The following RAI14 variants were observed in gnomAD, a reference collection of about 807,000 sequenced individuals.
RAI14 encodes the protein retinoic acid induced 14.
In RAI14, 45 loss-of-function variants were observed where a neutral mutation model predicts 115.4. The ratio of observed to expected loss-of-function variants is 0.39; its 90% confidence interval spans 0.31 to 0.50. The LOEUF is 0.50. RAI14 is among the 20% of genes least tolerant of loss of function. The pLI is 0.85. For missense variants in RAI14, 939 were observed against 1,131.2 expected (o/e 0.83, Z 2.44); for synonymous variants, 371 against 415.4 (o/e 0.89, Z 1.30).
At chr5:34,765,312 A>G (rs1249158600) in intron 3 of RAI14, among the ~76,000 whole-genome samples, 1 of 152,236 alleles carries the variant, frequency 6.6e-6, no homozygotes, top group Non-Finnish European at 1.5e-5. Context: ...AGGACTCAGA[A>G]GAAGACAGGA....
In RAI14 at chr5:34,830,816, A is replaced by T; in HGVS notation, c.*51A>T. ...CCCTTGTCATCTGTCTTTGTGTTAGATCCAGAGTTGTCGGCAGCCGCTGCC... is the reference window on the plus strand; with the variant it reads ...CCCTTGTCATCTGTCTTTGTGTTAGTTCCAGAGTTGTCGGCAGCCGCTGCC... On this transcript the variant is annotated 3_prime_UTR_variant, in exon 18 of 18. Coordinates refer to ENST00000265109, the MANE Select transcript of RAI14 (RefSeq NM_015577.3). The T allele has an allele frequency of 6.2e-7, 1 of 1,610,908 alleles. No homozygotes were observed. The highest frequency in any genetic ancestry group is 8.5e-7 in the Non-Finnish European group (1 of 1,178,316).
At chr5:34,747,470 C>T (rs2150064082) in intron 2 of RAI14, among the ~76,000 whole-genome samples, 1 of 152,084 alleles carries the variant, frequency 6.6e-6, no homozygotes. Flanking sequence ...CCTCAAGGAA[C>T]AATATTCCTG....
At chr5:34,796,105 A>C (rs1291451697) in intron 4 of RAI14, 78 bp downstream of exon 4, 2 of 1,200,536 alleles carry the variant, frequency 1.7e-6, no homozygotes, top group East Asian at 4.8e-5. Context: ...TTCATTATGG[A>C]AAATTTAAGG....
At chr5:34,773,622 A>G (rs1750465580) in intron 3 of RAI14, among the ~76,000 whole-genome samples, 1 of 152,222 alleles carries the variant, frequency 6.6e-6, no homozygotes, top group Admixed American at 6.5e-5. Context: ...TCAAAAAAAG[A>G]CATACAAATG....
intron 4 of RAI14, among the ~76,000 whole-genome samples, chr5:34,803,153 A>G (rs1472149870): frequency 6.6e-6 from 1 of 152,172 alleles, no homozygotes; most frequent in Admixed American, 6.5e-5. Context: ...TCTAGCCTGG[A>G]GCTGCTTTTC....
At chr5:34,666,013 G>A (rs1048849847) in intron 1 of RAI14, among the ~76,000 whole-genome samples, 2 of 152,140 alleles carry the variant, frequency 1.3e-5, no homozygotes, top group Non-Finnish European at 2.9e-5. Context: ...ATGAAAAGGT[G>A]GTTTTGTAAT....
rs73074506 is a variant in RAI14, at chr5:34,747,249, A to T, written c.37-10219A>T. Among the ~76,000 whole-genome samples the T allele has an allele frequency of 7.5e-3, 1,137 of 152,322 alleles. 18 individuals carry two copies. Among genetic ancestry groups the T allele is most frequent in the African/African-American group, 0.026 (1,098 of 41,560 alleles). The stretch of plus-strand genomic sequence containing the variant: ...TTCTTTGTTATTTTCCTTATCTGTA[A>T]AGGGCTAATAATAGTACCTACCTCA... On this transcript the variant is annotated intron_variant, in intron 2 of 17. Transcript: ENST00000265109.
chr5:34,785,193 G>A (rs1214123451), intron 3 of RAI14, among the ~76,000 whole-genome samples: 2 of 152,020 alleles, frequency 1.3e-5, no homozygotes, highest in Non-Finnish European at 1.5e-5. Flanking sequence ...ATCAAAATTG[G>A]CTTATCTTTT....
intron 2 of RAI14, among the ~76,000 whole-genome samples, chr5:34,718,047 A>G (rs1053674820): frequency 6.6e-6 from 1 of 152,006 alleles, no homozygotes; most frequent in Non-Finnish European, 1.5e-5. Flanking sequence ...TTTGACCACA[A>G]TCACTGTCAC....
intron 13 of RAI14, among the ~76,000 whole-genome samples, chr5:34,819,331 C>A (rs1002305877): frequency 6.6e-6 from 1 of 152,108 alleles, no homozygotes; most frequent in African/African-American, 2.4e-5. Context: ...TTTTATCTTA[C>A]CCATTTAAAA....
At chr5:34,735,430 C>A (rs1744744640) in intron 2 of RAI14, among the ~76,000 whole-genome samples, 1 of 152,116 alleles carries the variant, frequency 6.6e-6, no homozygotes, top group African/African-American at 2.4e-5. Context: ...GATTTTTTTA[C>A]ATTTTTCATC....
At chr5:34,694,236 G>A (rs1047490955) in intron 2 of RAI14, among the ~76,000 whole-genome samples, 15 of 152,190 alleles carry the variant, frequency 9.9e-5, no homozygotes, top group Non-Finnish European at 1.5e-4. Context: ...TTTAAATGAA[G>A]GCTGTTGTTG....
intron 1 of RAI14, among the ~76,000 whole-genome samples, chr5:34,675,856 T>C (rs990125236): frequency 1.3e-5 from 2 of 152,242 alleles, no homozygotes; most frequent in South Asian, 4.1e-4. Context: ...TGCTTCACCA[T>C]GGATCAGCTT....
chr5:34,782,064 A>G (rs1215289507), intron 3 of RAI14, among the ~76,000 whole-genome samples: 2 of 152,218 alleles, frequency 1.3e-5, no homozygotes, highest in African/African-American at 2.4e-5. Flanking sequence ...CACTCATGCT[A>G]TTGTTTGTGG....
intron 10 of RAI14, among the ~76,000 whole-genome samples, chr5:34,813,296 A>T (rs1468408354): frequency 6.6e-6 from 1 of 152,230 alleles, no homozygotes; most frequent in Non-Finnish European, 1.5e-5. Flanking sequence ...TCTAAGTTGT[A>T]GTAGACCTCA....
intron 2 of RAI14, among the ~76,000 whole-genome samples, chr5:34,755,763 T>G (rs1349322405): frequency 1.3e-5 from 2 of 152,210 alleles, no homozygotes; most frequent in Non-Finnish European, 2.9e-5. Flanking sequence ...AACATTTCCA[T>G]GACGGCAGAC....
At chr5:34,677,206 G>A (rs570255003) in intron 1 of RAI14, among the ~76,000 whole-genome samples, 82 of 66,798 alleles carry the variant, frequency 1.2e-3, no homozygotes, top group Non-Finnish European at 7.3e-4. Context: ...ACTCTGTCAC[G>A]CAGGATGGAG....
rs756187078 is a variant in RAI14 at position 34,823,470 on chromosome 5, TAGA to T, written c.1633_1635del (p.Glu545del). 2 of 1,613,980 alleles carry T rather than the reference TAGA, an allele frequency of 1.2e-6. No homozygotes were observed. Among genetic ancestry groups the T allele is most frequent in the South Asian group, 2.2e-5 (2 of 91,052 alleles). ...CTAAAGCAGGATCTGCAGAATGCAT[TAGA>T]AGAAAGTGAAAGAAATAAAGAGAAA... is the stretch of plus-strand genomic sequence containing the variant. On this transcript the variant is annotated inframe_deletion, in exon 15 of 18. Transcript: ENST00000265109. The surrounding 1 kb of genome is among the most constrained non-coding windows in gnomAD (Gnocchi z 4.5).
intron 1 of RAI14, among the ~76,000 whole-genome samples, chr5:34,672,641 G>A (rs557695093): frequency 6.6e-6 from 1 of 152,322 alleles, no homozygotes; most frequent in South Asian, 2.1e-4. Context: ...TTGTAGTGTG[G>A]CAAATCCAGG....
Sources: allele counts gnomAD v4.1 joint callset (sites outside exome capture counted in the v4.1 genomes callset), GRCh38; gene constraint gnomAD v4.1.1; non-coding constraint Gnocchi (gnomAD v3.1); transcripts MANE v1.5; gene names NCBI Gene and HGNC (gene_info 2026-07-23, HGNC 2026-07-21).